MYO18B: variants seen among roughly 807,000 people sequenced by gnomAD.
MYO18B encodes unconventional myosin-XVIIIb.
A neutral mutation model predicts 273.0 loss-of-function variants in MYO18B; 204 were observed. That is an observed-to-expected ratio of 0.75 (90% CI 0.67 to 0.84). MYO18B has a LOEUF of 0.84. MYO18B is among the 40% of genes least tolerant of loss of function. The pLI, the probability that MYO18B is intolerant of heterozygous loss-of-function variation, is 0.00. For synonymous variants in MYO18B, 1,330 were observed against 1,305.7 expected, an observed-to-expected ratio of 1.02 and a Z score of -0.40; for missense variants, 3,212 against 3,287.6, an observed-to-expected ratio of 0.98 and a Z score of 0.56.
the MYO18B span, among the ~76,000 whole-genome samples, chr22:26,044,614 T>C: frequency 6.6e-6 from 1 of 152,240 alleles, no homozygotes; most frequent in Non-Finnish European, 1.5e-5. Context: ...TTCATTTAGG[T>C]CTCTTATTGA....
chr22:25,987,328 A>G (rs76569725), intron 39 of MYO18B, among the ~76,000 whole-genome samples: 1,745 of 152,338 alleles, frequency 0.011, 18 homozygotes, highest in Non-Finnish European at 0.016. Flanking sequence ...TCACATGGGC[A>G]ACTCTGTGAT....
At chr22:25,910,381 T>C (rs35756211) in intron 32 of MYO18B, among the ~76,000 whole-genome samples, 2,016 of 152,204 alleles carry the variant, frequency 0.013, 16 homozygotes, top group East Asian at 0.033. Flanking sequence ...CACCCCACCA[T>C]GAAAGCTCTA....
intron 34 of MYO18B, among the ~76,000 whole-genome samples, chr22:25,933,518 G>A (rs747638236): frequency 3.3e-5 from 5 of 152,154 alleles, no homozygotes; most frequent in South Asian, 4.1e-4. Flanking sequence ...ATCCACATGT[G>A]CTGGCCTTGT....
intron 34 of MYO18B, among the ~76,000 whole-genome samples, chr22:25,925,229 C>T (rs1460404895): frequency 6.6e-6 from 1 of 152,004 alleles, no homozygotes; most frequent in East Asian, 1.9e-4. Context: ...ATTCTGCCCC[C>T]TCCCCCACCC....
At chr22:25,846,401 A>ACACTCGCCCCTCT in intron 19 of MYO18B, 118 bp downstream of exon 19, 5 of 1,124,342 alleles carry the variant, frequency 4.4e-6, no homozygotes, top group Non-Finnish European at 6.3e-6. Context: ...CAGAGGGGCG[A>ACACTCGCCCCTCT]GTGTCACCCC....
At chr22:25,922,747 C>T (rs1202908363) in intron 34 of MYO18B, among the ~76,000 whole-genome samples, 1 of 152,168 alleles carries the variant, frequency 6.6e-6, no homozygotes, top group Non-Finnish European at 1.5e-5. Flanking sequence ...CCCAGGAAGA[C>T]AGCAAAAGGC....
chr22:25,847,413 C>A lies in MYO18B; in HGVS notation c.3553-17C>A. Reference sequence around the variant, plus strand: ...TCTGTGAGACAACTGGCCCTGACCTCCCTCTATTTGGTCTAGGATGCGCTG... The same window carrying A: ...TCTGTGAGACAACTGGCCCTGACCTACCTCTATTTGGTCTAGGATGCGCTG... On this transcript the variant is annotated splice_polypyrimidine_tract_variant and intron_variant, in intron 19 of 43. Transcript: ENST00000335473. 1 of 1,553,470 alleles carries A rather than the reference C, an allele frequency of 6.4e-7. No individual in the cohort carries two copies. The highest frequency in any genetic ancestry group is 8.7e-7 in the Non-Finnish European group (1 of 1,147,040).
At chr22:25,912,078 G>A (rs2146392891) in intron 33 of MYO18B, among the ~76,000 whole-genome samples, 1 of 152,286 alleles carries the variant, frequency 6.6e-6, no homozygotes, top group South Asian at 2.1e-4. Flanking sequence ...AAAACAATGT[G>A]GGTGCACTTC....
chr22:25,823,030 C>T (rs2089342586), intron 12 of MYO18B, among the ~76,000 whole-genome samples: 1 of 152,158 alleles, frequency 6.6e-6, no homozygotes, highest in Non-Finnish European at 1.5e-5. Context: ...TTTTTGCTTT[C>T]TCTTTCCTAC....
intron 17 of MYO18B, among the ~76,000 whole-genome samples, chr22:25,840,030 TC>T (rs1348284652): frequency 1.3e-5 from 2 of 152,094 alleles, no homozygotes; most frequent in African/African-American, 4.8e-5. Flanking sequence ...TCTGAAGCTG[TC>T]CCCCTGGCAG....
the MYO18B span, among the ~76,000 whole-genome samples, chr22:26,042,176 G>T: frequency 3.9e-5 from 6 of 152,346 alleles, no homozygotes; most frequent in African/African-American, 1.4e-4. Flanking sequence ...TGTCAGGCAG[G>T]CCTGGTGTTC....
chr22:26,028,815 G>A (rs1309447088), intron 43 of MYO18B, among the ~76,000 whole-genome samples: 9 of 150,996 alleles, frequency 6.0e-5, no homozygotes, highest in Non-Finnish European at 1.5e-5. Flanking sequence ...ATGAACCCGG[G>A]AGGCGGAGCT....
chr22:25,972,022 G>A (rs1192193809), intron 39 of MYO18B, among the ~76,000 whole-genome samples: 1 of 151,762 alleles, frequency 6.6e-6, no homozygotes, highest in African/African-American at 2.4e-5. Flanking sequence ...ATGACCTCAG[G>A]TGATCCACCT....
rs2091896396 is a variant in MYO18B, at chr22:25,899,877, A to T, written c.4823+1416A>T. ...ATCTGGAAGAATGGCTCTGACATAT[A>T]CCCCTGTCTGTGAAACAAGAGGTTG... On this transcript the variant is annotated intron_variant, in intron 29 of 43. Transcript: ENST00000335473. 3 of 151,954 alleles carry T rather than the reference A, an allele frequency of 2.0e-5. No individual in the cohort carries two copies. In the South Asian group the frequency reaches 6.3e-4, roughly 32 times the overall value. The allele number at this position is 151,954 out of a possible 1,614,324, so 9.4% of individuals were successfully genotyped here.
intron 29 of MYO18B, chr22:25,901,530 G>A (rs944970683): frequency 6.6e-6 from 1 of 152,144 alleles, no homozygotes; most frequent in Non-Finnish European, 1.5e-5. Context: ...ACTTTCAGTA[G>A]GACTGACTAG....
intron 39 of MYO18B, among the ~76,000 whole-genome samples, chr22:25,973,997 C>T (rs563272950): frequency 2.0e-4 from 30 of 152,334 alleles, no homozygotes; most frequent in African/African-American, 7.2e-4. Context: ...TCATCCTAGT[C>T]TTAGGACGGT....
intron 34 of MYO18B, among the ~76,000 whole-genome samples, chr22:25,922,962 C>T (rs2092369833): frequency 6.6e-6 from 1 of 152,188 alleles, no homozygotes; most frequent in Non-Finnish European, 1.5e-5. Flanking sequence ...ATTTCCTCTC[C>T]CGGGATCCAA....
chr22:25,994,046 G>A (rs942293671), intron 40 of MYO18B, among the ~76,000 whole-genome samples: 4 of 152,056 alleles, frequency 2.6e-5, no homozygotes, highest in Non-Finnish European at 4.4e-5. Context: ...TTTAGAATGC[G>A]CATAACCTCC....
chr22:25,897,614 G>A (rs1442856300), intron 28 of MYO18B: 4 of 152,326 alleles, frequency 2.6e-5, no homozygotes, highest in Admixed American at 2.6e-4. Flanking sequence ...CATCCCATTT[G>A]CCTTCAAATA....
Sources: allele counts gnomAD v4.1 joint callset (sites outside exome capture counted in the v4.1 genomes callset), GRCh38; gene constraint gnomAD v4.1.1; transcripts MANE v1.5; gene names NCBI Gene and HGNC (gene_info 2026-07-23, HGNC 2026-07-21).